The following AK6 variants were observed in gnomAD, a reference collection of about 807,000 sequenced individuals.
AK6 encodes the protein adenylate kinase isoenzyme 6.
AK6 carries 24 observed loss-of-function variants against 23.7 expected under a neutral mutation model. That is an observed-to-expected ratio of 1.01 (90% CI 0.73 to 1.43). The LOEUF is 1.43. AK6 is among the 40% of genes most tolerant of loss of function. The pLI is 0.00. For synonymous variants in AK6, 73 were observed against 69.8 expected (o/e 1.05, Z -0.23); for missense variants, 191 against 199.1 (o/e 0.96, Z 0.24).
intron 2 of AK6, among the ~76,000 whole-genome samples, chr5:69,357,720 C>T (rs1762118256): frequency 6.6e-6 from 1 of 152,062 alleles, no homozygotes; most frequent in Admixed American, 6.6e-5. Context: ...TAAAATGAGT[C>T]TATATTTATG....
At chr5:69,365,677 G>C in intron 2 of AK6, 1 of 1,604,996 alleles carries the variant, frequency 6.2e-7, no homozygotes, top group African/African-American at 1.3e-5. Context: ...TTCAGGATTT[G>C]TGCCATCATC....
At chr5:69,356,384 G>A (rs532199263) in intron 2 of AK6, among the ~76,000 whole-genome samples, 8 of 113,592 alleles carry the variant, frequency 7.0e-5, no homozygotes, top group Admixed American at 1.0e-4. Context: ...GCCAGGCATG[G>A]TGGCTTTGCG....
chr5:69,353,484 G>C (rs1290234050), intron 4 of AK6, among the ~76,000 whole-genome samples: 1 of 151,924 alleles, frequency 6.6e-6, no homozygotes, highest in Non-Finnish European at 1.5e-5. Context: ...TCCTAGTAGA[G>C]ACGGGGTTTC....
At chr5:69,353,817 TGGAGTG>T (rs1762013337) in intron 4 of AK6, among the ~76,000 whole-genome samples, 1 of 152,190 alleles carries the variant, frequency 6.6e-6, no homozygotes, top group Non-Finnish European at 1.5e-5. Context: ...TCAACCAGGC[TGGAGTG>T]CAGTGGTGCA....
intron 2 of AK6, among the ~76,000 whole-genome samples, chr5:69,358,113 A>G (rs1453539160): frequency 6.6e-6 from 1 of 152,214 alleles, no homozygotes; most frequent in African/African-American, 2.4e-5. Flanking sequence ...ACAGTATTGC[A>G]TATTTTTTTA....
chr5:69,352,387 G>T, intron 4 of AK6, 134 bp from the exon 5 acceptor site: 1 of 630,102 alleles, frequency 1.6e-6, no homozygotes, highest in Non-Finnish European at 2.7e-6. Context: ...CTAGAGAGGA[G>T]TGACTGGTAC....
intron 2 of AK6, among the ~76,000 whole-genome samples, chr5:69,359,106 C>T (rs1023853952): frequency 6.6e-6 from 1 of 151,566 alleles, no homozygotes; most frequent in Non-Finnish European, 1.5e-5. Flanking sequence ...ATTAGCCCAG[C>T]ATGGCGGTGC....
intron 2 of AK6, among the ~76,000 whole-genome samples, chr5:69,361,478 AC>A (rs1238622629): frequency 6.6e-6 from 1 of 151,002 alleles, no homozygotes; most frequent in African/African-American, 2.4e-5. Context: ...TCTCTCTGTC[AC>A]CCAGACTGGA....
intron 4 of AK6, chr5:69,355,404 G>A: frequency 2.4e-6 from 1 of 415,042 alleles, no homozygotes; most frequent in Non-Finnish European, 4.2e-6. Context: ...AAGGTGGCAT[G>A]TGCCCGTGGT....
chr5:69,354,569 G>A (rs1325298306), intron 4 of AK6, among the ~76,000 whole-genome samples: 5 of 152,140 alleles, frequency 3.3e-5, no homozygotes, highest in Non-Finnish European at 5.9e-5. Flanking sequence ...AGACAGTGGG[G>A]ATAAAAGACT....
chr5:69,366,458 C>T (rs1296711299), intron 2 of AK6, 45 bp downstream of exon 2: 2 of 1,506,094 alleles, frequency 1.3e-6, no homozygotes. Flanking sequence ...CTTACCAGAC[C>T]TTAAAAAAAA....
At chr5:69,369,601 GC>G, upstream of AK6, 1 of 1,585,330 alleles carries the variant, frequency 6.3e-7, no homozygotes, top group Non-Finnish European at 8.6e-7. Flanking sequence ...AGGCCCCGAA[GC>G]CCACCGCGGC....
intron 1 of AK6, 78 bp downstream of exon 1, chr5:69,369,384 CA>C: frequency 6.5e-7 from 1 of 1,540,702 alleles, no homozygotes; most frequent in Non-Finnish European, 8.8e-7. Context: ...GAGGGGCCCC[CA>C]CCTGGGCGCC....
At chr5:69,356,266 C>T (rs1332739378) in intron 2 of AK6, among the ~76,000 whole-genome samples, 2 of 152,178 alleles carry the variant, frequency 1.3e-5, no homozygotes, top group African/African-American at 4.8e-5. Context: ...AAGAGGACTA[C>T]ACTATTTTTG....
In AK6 at chr5:69,364,633, C is replaced by G. The variant is rs1016002388; in HGVS notation, c.121+1870G>C. ...ACGTTTAAGGTGACACTCTAGTGGT[C>G]AAAAATAGACTGCAGTACTGCAAAT... On this transcript the variant is annotated intron_variant, in intron 2 of 4. Transcript: ENST00000380822. 2.7e-5 allele frequency: 12 copies of G among 445,144 alleles called. No homozygotes were observed. In the East Asian group the frequency reaches 4.3e-4, roughly 16 times the overall value. The allele number at this position is 445,144 out of a possible 1,614,324, so 27.6% of individuals were successfully genotyped here. A position where few individuals can be genotyped will look rare whatever the true frequency, so the allele number is the denominator to read the frequency against.
rs554901173 is a variant in AK6, at chr5:69,364,269, G to A, written c.121+2234C>T. ...TAATTATCAGCCCTGGATCAAAAAT[G>A]AACATGATACTGGCTTATAGTATCA... On this transcript the variant is annotated intron_variant, in intron 2 of 4. Coordinates refer to ENST00000380822, the MANE Select transcript of AK6 (RefSeq NM_016283.5). 1.2e-3 allele frequency among the ~76,000 whole-genome samples: 187 copies of A among 151,496 alleles called. 1 individual carries two copies. Among genetic ancestry groups the A allele is most frequent in the Middle Eastern group, 0.01 (3 of 290 alleles).
chr5:69,359,146 T>C (rs1396823537), intron 2 of AK6, among the ~76,000 whole-genome samples: 1 of 151,764 alleles, frequency 6.6e-6, no homozygotes, highest in Non-Finnish European at 1.5e-5. Flanking sequence ...CTCTGGAGGT[T>C]GAGGTGGGAG....
At position 69,352,084 on chromosome 5, in the gene AK6, A is replaced by G; in HGVS notation, c.496T>C (p.Trp166Arg). Residue 166 changes from tryptophan (W) to arginine (R), a missense_variant, in exon 5 of 5, where the codon TGG becomes CGG. Transcript: ENST00000380822. Reference sequence around the variant, plus strand: ...AGTCAAGAGTTATGATCTTTGATCCACTGCTCAATCCATTTCAAGATCTGA... The same window carrying G: ...AGTCAAGAGTTATGATCTTTGATCCGCTGCTCAATCCATTTCAAGATCTGA... Reference protein sequence around the residue: ...VDQILKWIEQWIKDHNS With the variant: ...VDQILKWIEQRIKDHNS 1.2e-6 allele frequency: 2 copies of G among 1,611,188 alleles called. No homozygotes were observed. Among genetic ancestry groups the G allele is most frequent in the Non-Finnish European group, 1.7e-6 (2 of 1,179,136 alleles).
Position 69,366,571 on chromosome 5 carries a change from G to A in AK6, c.53C>T (p.Thr18Ile). Residue 18 changes from threonine (T) to isoleucine (I), a missense_variant, in exon 2 of 5, where the codon ACA (threonine) becomes ATA (isoleucine). Thr to Ile is a moderately conservative substitution (Grantham distance 89). Transcript: ENST00000380822. ...TTTTGACGCAAGTTCTTTGCCTAGT[G>A]TGGTTTTTCCAACCCCTGGTGTACC... The part of the protein sequence containing the change: ...LTGTPGVGKT[T>I]LGKELASKSG... The A allele has an allele frequency of 1.2e-6, 2 of 1,614,044 alleles. No homozygotes were observed. The highest frequency in any genetic ancestry group is 1.7e-6 in the Non-Finnish European group (2 of 1,180,010).
Sources: allele counts gnomAD v4.1 joint callset (sites outside exome capture counted in the v4.1 genomes callset), GRCh38; gene constraint gnomAD v4.1.1; transcripts MANE v1.5; gene names NCBI Gene and HGNC (gene_info 2026-07-23, HGNC 2026-07-21).